CENPA: variants seen among roughly 807,000 people sequenced by gnomAD.
CENPA encodes histone H3-like centromeric protein A.
A neutral mutation model predicts 17.2 loss-of-function variants in CENPA; 7 were observed. The observed-to-expected ratio is 0.41, with a 90% CI of 0.23 to 0.76. The LOEUF is 0.76. CENPA is among the 30% of genes least tolerant of loss of function. The pLI is 0.34. For missense variants in CENPA, 149 were observed against 193.1 expected (o/e 0.77, Z 1.35); for synonymous variants, 82 against 77.4 (o/e 1.06, Z -0.31).
chr2:26,792,351 T>C (rs1387612137), intron 2 of CENPA, 111 bp downstream of exon 2: 1 of 772,206 alleles, frequency 1.3e-6, no homozygotes, highest in Non-Finnish European at 2.2e-6. Context: ...GGACCTCTTT[T>C]GTAACCTGGT....
At chr2:26,792,469 A>G (rs760431845) in intron 2 of CENPA, 5 of 712,102 alleles carry the variant, frequency 7.0e-6, no homozygotes, top group South Asian at 1.5e-5. Context: ...TTTTGACTGT[A>G]TAAATAGGAA....
At position 26,793,227 on chromosome 2, in the gene CENPA, A is replaced by G; in HGVS notation, c.371A>G (p.Lys124Arg). ...GCAGGCCGAGTTACTCTCTTCCCAA[A>G]GGATGTGCAACTGGCCCGGAGGATC... ...LHAGRVTLFP[K>R]DVQLARRIRG... Residue 124 changes from lysine to arginine, a missense_variant, in exon 4 of 5, where the codon AAG (lysine) becomes AGG (arginine). Lys to Arg is a conservative substitution (Grantham distance 26, BLOSUM62 2). Coordinates refer to ENST00000335756, the MANE Select transcript of CENPA (RefSeq NM_001809.4). 6.2e-7 allele frequency: 1 copy of G among 1,614,160 alleles called. No homozygotes were observed. The highest frequency in any genetic ancestry group is 8.5e-7 in the Non-Finnish European group (1 of 1,180,026).
chr2:26,789,159 T>G (rs575634089), intron 1 of CENPA, among the ~76,000 whole-genome samples: 1 of 152,212 alleles, frequency 6.6e-6, no homozygotes, highest in African/African-American at 2.4e-5. Context: ...CACTCCAATC[T>G]GACTCCCCAC....
chr2:26,790,816 G>C (rs929309497), intron 1 of CENPA, among the ~76,000 whole-genome samples: 21 of 150,660 alleles, frequency 1.4e-4, no homozygotes, highest in African/African-American at 5.0e-4. Flanking sequence ...CTCCTCTGCT[G>C]GCTGCCTGGC....
intron 1 of CENPA, among the ~76,000 whole-genome samples, chr2:26,787,495 G>C (rs1184250974): frequency 6.6e-6 from 1 of 151,648 alleles, no homozygotes; most frequent in South Asian, 2.1e-4. Context: ...GATTACAGGC[G>C]TGAGCCACCG....
chr2:26,789,268 T>C (rs1265402955), intron 1 of CENPA, among the ~76,000 whole-genome samples: 1 of 152,110 alleles, frequency 6.6e-6, no homozygotes, highest in Non-Finnish European at 1.5e-5. Context: ...GTGTTCTTAC[T>C]GTGTCTCAGA....
At chr2:26,792,362 AG>A (rs1306054465) in intron 2 of CENPA, 122 bp downstream of exon 2, 2 of 737,444 alleles carry the variant, frequency 2.7e-6, no homozygotes, top group Non-Finnish European at 4.7e-6. Context: ...GTAACCTGGT[AG>A]GGGATTCTTT....
chr2:26,786,276 C>T lies in CENPA; in HGVS notation c.80C>T (p.Ser27Phe). Residue 27 changes from serine to phenylalanine, a missense_variant, in exon 1 of 5, where the codon TCC becomes TTC. Coordinates refer to ENST00000335756, the MANE Select transcript of CENPA (RefSeq NM_001809.4). ...SPSPTPTPGP[S>F]RRGPSLGASS... The stretch of plus-strand genomic sequence containing the variant: ...AGCCCGACCCCGACCCCCGGCCCCT[C>T]CCGGCGGGGCCCCTCCTTAGGTAAC... 2.2e-6 allele frequency: 3 copies of T among 1,343,564 alleles called. No individual in the cohort carries two copies. Among genetic ancestry groups the T allele is most frequent in the Non-Finnish European group, 2.8e-6 (3 of 1,052,900 alleles). 83.2% of individuals were successfully genotyped at this position (1,343,564 alleles called of 1,614,324 possible).
At chr2:26,792,060 C>A in intron 1 of CENPA, 71 bp from the exon 2 acceptor site, 1 of 1,289,350 alleles carries the variant, frequency 7.8e-7, no homozygotes, top group Non-Finnish European at 1.1e-6. Flanking sequence ...AGCAATTTGA[C>A]AGCTTACCTG....
intron 1 of CENPA, among the ~76,000 whole-genome samples, chr2:26,790,172 A>G (rs1479316581): frequency 2.0e-5 from 3 of 152,000 alleles, no homozygotes; most frequent in East Asian, 1.9e-4. Flanking sequence ...TATTAACTCA[A>G]TTTCCTCTGG....
At chr2:26,788,886 G>C (rs1431516648) in intron 1 of CENPA, among the ~76,000 whole-genome samples, 1 of 152,156 alleles carries the variant, frequency 6.6e-6, no homozygotes, top group Non-Finnish European at 1.5e-5. Flanking sequence ...TGTTGGTCAG[G>C]CTGGTCTCCA....
intron 1 of CENPA, 67 bp downstream of exon 1, chr2:26,786,363 C>G: frequency 7.8e-7 from 1 of 1,281,378 alleles, no homozygotes; most frequent in Non-Finnish European, 9.9e-7. Flanking sequence ...CCGGATCTCC[C>G]GAGTCCCGAT....
At chr2:26,792,282 CTT>C in intron 2 of CENPA, 42 bp downstream of exon 2, 1 of 1,510,510 alleles carries the variant, frequency 6.6e-7, no homozygotes, top group Non-Finnish European at 9.1e-7. Context: ...TGCCACCCTC[CTT>C]TTTTTAAATT....
intron 3 of CENPA, 148 bp downstream of exon 3, chr2:26,792,981 A>T: frequency 7.9e-7 from 1 of 1,262,844 alleles, no homozygotes; most frequent in Non-Finnish European, 1.1e-6. Flanking sequence ...TGGAGGCTGG[A>T]TTCTGCGTGG....
chr2:26,787,014 T>C (rs138164236), intron 1 of CENPA, among the ~76,000 whole-genome samples: 27 of 152,360 alleles, frequency 1.8e-4, no homozygotes, highest in Admixed American at 1.7e-3. Context: ...GCTTTACTTA[T>C]CTCTTAACTC....
intron 2 of CENPA, 49 bp downstream of exon 2, chr2:26,792,289 T>A (rs553922223): frequency 2.8e-4 from 412 of 1,475,824 alleles, no homozygotes; most frequent in African/African-American, 1.2e-3. Flanking sequence ...CTCCTTTTTT[T>A]AAATTTTCCC....
At chr2:26,786,546 C>A (rs1160417200) in intron 1 of CENPA, among the ~76,000 whole-genome samples, 1 of 152,112 alleles carries the variant, frequency 6.6e-6, no homozygotes, top group Non-Finnish European at 1.5e-5. Flanking sequence ...TAGTGGTTAC[C>A]CAGCGCCCAC....
At position 26,794,286 on chromosome 2, in the gene CENPA, A is replaced by G. The variant is rs1259789485; in HGVS notation, c.*522A>G. 6.6e-6 allele frequency: 1 copy of G among 152,220 alleles called. No homozygotes were observed. The highest frequency in any genetic ancestry group is 1.5e-5 in the Non-Finnish European group (1 of 68,040). 9.4% of individuals were successfully genotyped at this position (152,220 alleles called of 1,614,324 possible). On this transcript the variant is annotated 3_prime_UTR_variant, in exon 5 of 5. Transcript: ENST00000335756. Reference sequence around the variant, plus strand: ...GACCTCTGCCCTTCAGAGTAGCCTCACCATTAGTGGCAGCATCATGTAACT... The same window carrying G: ...GACCTCTGCCCTTCAGAGTAGCCTCGCCATTAGTGGCAGCATCATGTAACT...
At position 26,793,150 on chromosome 2, in the gene CENPA, A is replaced by G. The variant is rs1163968306; in HGVS notation, c.294A>G (p.Ala98=). ...AQALLALQEA[A]EAFLVHLFED... ...TTTTCTCTTTCTGTCTCCAGGCAGC[A>G]GAAGCATTTCTAGTTCATCTCTTTG... The change falls in exon 4 of 5, where the codon GCA becomes GCG. Residue 98 remains alanine, a synonymous_variant. Transcript: ENST00000335756. 1 of 1,614,076 alleles carries G rather than the reference A, an allele frequency of 6.2e-7. No individual in the cohort carries two copies. The highest frequency in any genetic ancestry group is 8.5e-7 in the Non-Finnish European group (1 of 1,180,024).
Sources: gnomAD v4.1 joint callset for allele counts (sites outside exome capture counted in the v4.1 genomes callset) on GRCh38, gnomAD v4.1.1 for gene constraint, MANE v1.5 for transcripts, NCBI Gene and HGNC (gene_info 2026-07-23, HGNC 2026-07-21) for gene names.